CFAP299: variants seen among roughly 807,000 people sequenced by gnomAD.
CFAP299 encodes the protein cilia- and flagella-associated protein 299.
CFAP299 carries 21 observed loss-of-function variants against 27.0 expected under a neutral mutation model. The ratio of observed to expected loss-of-function variants is 0.78; its 90% CI spans 0.55 to 1.12. The LOEUF is 1.12. CFAP299 is among the 50% of genes most tolerant of loss of function. The pLI is 0.00. For missense variants in CFAP299, 310 were observed against 276.6 expected, an observed-to-expected ratio of 1.12 and a Z score of -0.86; for synonymous variants, 104 against 98.1, an observed-to-expected ratio of 1.06 and a Z score of -0.36.
chr4:80,557,208 A>C (rs1292300423), intron 2 of CFAP299, among the ~76,000 whole-genome samples: 1 of 152,030 alleles, frequency 6.6e-6, no homozygotes, highest in Non-Finnish European at 1.5e-5. Flanking sequence ...TAACCTTGTA[A>C]CTCAAAATTG....
chr4:80,940,264 C>G (rs967237740), intron 4 of CFAP299, among the ~76,000 whole-genome samples: 1 of 152,110 alleles, frequency 6.6e-6, no homozygotes, highest in African/African-American at 2.4e-5. Flanking sequence ...TAGTTCCCCC[C>G]AAGACTATTT....
chr4:80,942,354 A>G (rs1164849387), intron 4 of CFAP299, among the ~76,000 whole-genome samples: 3 of 152,168 alleles, frequency 2.0e-5, no homozygotes, highest in African/African-American at 7.2e-5. Flanking sequence ...TTTTCCTGTC[A>G]GTTCTACATG....
intron 2 of CFAP299, among the ~76,000 whole-genome samples, chr4:80,485,451 A>G (rs1045900660): frequency 6.6e-6 from 1 of 151,962 alleles, no homozygotes. Flanking sequence ...ACCAAAATAC[A>G]TGTGTGGACT....
intron 2 of CFAP299, among the ~76,000 whole-genome samples, chr4:80,385,860 C>A (rs1724947029): frequency 6.6e-6 from 1 of 152,226 alleles, no homozygotes; most frequent in Non-Finnish European, 1.5e-5. Context: ...TGTCTTCTCT[C>A]CCAGGGGACG....
chr4:80,419,397 A>C (rs961896770), intron 2 of CFAP299, among the ~76,000 whole-genome samples: 1 of 152,176 alleles, frequency 6.6e-6, no homozygotes, highest in Non-Finnish European at 1.5e-5. Context: ...AATCGTCCTC[A>C]TGCTCACTTG....
chr4:80,857,164 C>A (rs1483175439), intron 3 of CFAP299, among the ~76,000 whole-genome samples: 1 of 152,142 alleles, frequency 6.6e-6, no homozygotes, highest in African/African-American at 2.4e-5. Context: ...CTCTTTGAAG[C>A]AATTGTGAAT....
chr4:80,523,691 C>T (rs1432310445), intron 2 of CFAP299, among the ~76,000 whole-genome samples: 2 of 152,150 alleles, frequency 1.3e-5, no homozygotes, highest in African/African-American at 4.8e-5. Flanking sequence ...CAAATATTAA[C>T]ATCCGTATTC....
intron 2 of CFAP299, among the ~76,000 whole-genome samples, chr4:80,485,093 A>C (rs1178037099): frequency 2.0e-5 from 3 of 152,022 alleles, no homozygotes; most frequent in Non-Finnish European, 1.5e-5. Flanking sequence ...GTACGTGGAG[A>C]CAGCTAGGCA....
chr4:80,739,004 TAAAC>T (rs947491553), intron 3 of CFAP299, among the ~76,000 whole-genome samples: 4 of 152,044 alleles, frequency 2.6e-5, no homozygotes, highest in Non-Finnish European at 4.4e-5. Context: ...ACAAATTGCA[TAAAC>T]AAACAAACAA....
At chr4:80,888,668 C>T (rs1191381622) in intron 4 of CFAP299, among the ~76,000 whole-genome samples, 1 of 152,038 alleles carries the variant, frequency 6.6e-6, no homozygotes, top group Non-Finnish European at 1.5e-5. Flanking sequence ...GAAGAATACA[C>T]ATTCTTCTCC....
intron 2 of CFAP299, among the ~76,000 whole-genome samples, chr4:80,373,599 GT>G (rs761507924): frequency 4.7e-4 from 71 of 152,044 alleles, no homozygotes; most frequent in Non-Finnish European, 1.3e-4. Flanking sequence ...TTGCCCATCT[GT>G]TTTGTTCAAG....
At chr4:80,354,489 C>CTTTATTAATTACAAAA in intron 1 of CFAP299, among the ~76,000 whole-genome samples, 2 of 152,158 alleles carry the variant, frequency 1.3e-5, no homozygotes, top group South Asian at 4.2e-4. Context: ...TTAATTACAA[C>CTTTATTAATTACAAAA]ATATTTTGAT....
chr4:80,390,750 T>TAC (rs1311352022), intron 2 of CFAP299, among the ~76,000 whole-genome samples: 3 of 117,374 alleles, frequency 2.6e-5, no homozygotes, highest in South Asian at 5.8e-4. Flanking sequence ...TATGTATATA[T>TAC]ACACACATAT....
chr4:80,909,389 AT>A (rs1231315469), intron 4 of CFAP299, among the ~76,000 whole-genome samples: 1 of 152,072 alleles, frequency 6.6e-6, no homozygotes, highest in East Asian at 1.9e-4. Context: ...GACAATGTAA[AT>A]AATAAACTCA....
chr4:80,799,138 A>C (rs945365990), intron 3 of CFAP299, among the ~76,000 whole-genome samples: 1 of 122,878 alleles, frequency 8.1e-6, no homozygotes, highest in African/African-American at 2.9e-5. Flanking sequence ...ATATTTATAT[A>C]TATATTATAT....
chr4:80,451,216 G>A (rs1578459399), intron 2 of CFAP299, among the ~76,000 whole-genome samples: 1 of 152,268 alleles, frequency 6.6e-6, no homozygotes, highest in African/African-American at 2.4e-5. Context: ...TCCTTGCTGT[G>A]TCCTCAGGTG....
At chr4:80,477,267 G>T (rs944217718) in intron 2 of CFAP299, among the ~76,000 whole-genome samples, 2 of 152,014 alleles carry the variant, frequency 1.3e-5, no homozygotes, top group African/African-American at 4.8e-5. Flanking sequence ...TCTGTATGTT[G>T]CCTACACTGG....
rs1428936522 is a variant in CFAP299 at position 80,954,005 on chromosome 4, G to A, written c.606+9066G>A. 2.0e-5 allele frequency among the ~76,000 whole-genome samples: 3 copies of A among 152,318 alleles called. No individual in the cohort carries two copies. In the South Asian group the frequency reaches 6.2e-4, roughly 32 times the overall value. On this transcript the variant is annotated intron_variant, in intron 5 of 5. Coordinates refer to ENST00000358105, the MANE Select transcript of CFAP299 (RefSeq NM_152770.3). ...TATAAGGATGGAGAGATTTGAGGAA[G>A]AGAGCTTTAGACACAGTTCACGCTC...
intron 2 of CFAP299, among the ~76,000 whole-genome samples, chr4:80,503,966 A>T (rs2110154581): frequency 6.6e-6 from 1 of 152,234 alleles, no homozygotes; most frequent in Middle Eastern, 3.4e-3. Context: ...GGAGGTAGAG[A>T]TGAATTTATG....
Sources: allele counts gnomAD v4.1 joint callset (sites outside exome capture counted in the v4.1 genomes callset), GRCh38; gene constraint gnomAD v4.1.1; transcripts MANE v1.5; gene names NCBI Gene and HGNC (gene_info 2026-07-23, HGNC 2026-07-21).